Variants in GNB4 observed in about 807,000 individuals in gnomAD.
GNB4 encodes guanine nucleotide-binding protein subunit beta-4.
In GNB4, 28 loss-of-function variants were observed where a neutral mutation model predicts 45.2. The ratio of observed to expected loss-of-function variants is 0.62; its 90% CI spans 0.46 to 0.85. GNB4 has a LOEUF of 0.85. GNB4 is among the 40% of genes least tolerant of loss of function. The pLI is 0.00. For synonymous variants in GNB4, 132 were observed against 143.7 expected, an observed-to-expected ratio of 0.92 and a Z score of 0.58; for missense variants, 321 against 425.4, an observed-to-expected ratio of 0.75 and a Z score of 2.16.
At chr3:179,449,193 T>C (rs1433502166) in intron 1 of GNB4, among the ~76,000 whole-genome samples, 2 of 152,192 alleles carry the variant, frequency 1.3e-5, no homozygotes, top group Non-Finnish European at 2.9e-5. Flanking sequence ...TAACTCTATC[T>C]CTAGAGAACC....
the GNB4 span, among the ~76,000 whole-genome samples, chr3:179,520,396 A>G: frequency 2.0e-5 from 3 of 152,088 alleles, no homozygotes; most frequent in African/African-American, 7.2e-5. Context: ...CTTCCTAGGC[A>G]TGGTTAGTGC....
intron 1 of GNB4, among the ~76,000 whole-genome samples, chr3:179,427,047 C>G (rs951004941): frequency 2.6e-5 from 4 of 152,072 alleles, no homozygotes; most frequent in African/African-American, 9.7e-5. Context: ...TCAAAGACTT[C>G]TCTGATGTTC....
chr3:179,490,836 C>G, the GNB4 span, among the ~76,000 whole-genome samples: 26 of 152,128 alleles, frequency 1.7e-4, no homozygotes, highest in African/African-American at 6.3e-4. Context: ...ACAGACACAC[C>G]GAAAAATAAT....
the GNB4 span, among the ~76,000 whole-genome samples, chr3:179,482,566 GC>G: frequency 6.6e-6 from 1 of 151,980 alleles, no homozygotes. Flanking sequence ...ATAACTCCCT[GC>G]CCCCACTAAT....
chr3:179,401,031 G>A lies in GNB4; in HGVS notation c.*182C>T, dbSNP rs1055087621. On this transcript the variant is annotated 3_prime_UTR_variant, in exon 10 of 10. Transcript: ENST00000232564. ...ACTGGTCCTTTTGATCTCAGAAGGC[G>A]CCTTTGCCTTTTTTCCTCCACCCCC... 1.4e-5 allele frequency: 7 copies of A among 500,116 alleles called. No homozygotes were observed. The highest frequency in any genetic ancestry group is 2.2e-5 in the Non-Finnish European group (6 of 275,442). 31.0% of individuals were successfully genotyped at this position (500,116 alleles called of 1,614,324 possible).
At chr3:179,502,032 C>T in the GNB4 span, among the ~76,000 whole-genome samples, 2 of 151,908 alleles carry the variant, frequency 1.3e-5, no homozygotes, top group African/African-American at 2.4e-5. Flanking sequence ...CATTAGTATA[C>T]GTCATTGATA....
At chr3:179,467,480 C>T in the GNB4 span, among the ~76,000 whole-genome samples, 1 of 152,116 alleles carries the variant, frequency 6.6e-6, no homozygotes, top group South Asian at 2.1e-4. Flanking sequence ...CCAGGCACTA[C>T]ACTAGACTCT....
At chr3:179,475,385 C>T in the GNB4 span, among the ~76,000 whole-genome samples, 3 of 152,006 alleles carry the variant, frequency 2.0e-5, no homozygotes, top group Non-Finnish European at 2.9e-5. Flanking sequence ...TCCCAAAGTG[C>T]TGGGATTACA....
the GNB4 span, among the ~76,000 whole-genome samples, chr3:179,481,795 C>T: frequency 3.9e-5 from 6 of 152,270 alleles, no homozygotes; most frequent in Non-Finnish European, 5.9e-5. Context: ...ACAAAGTCGA[C>T]GTGATTCACT....
At position 179,425,271 on chromosome 3, in the gene GNB4, G is replaced by A. The variant is rs933481422; in HGVS notation, c.57+873C>T. ...CTGTCTCTTAGAGAGTGCTCCCCAC[G>A]CAGACGCCTCCTCTCAGAGCCTCCC... On this transcript the variant is annotated intron_variant, in intron 2 of 9. Coordinates refer to ENST00000232564, the MANE Select transcript of GNB4 (RefSeq NM_021629.4). Among the ~76,000 whole-genome samples the A allele has an allele frequency of 3.9e-5, 6 of 152,150 alleles. No individual in the cohort carries two copies. In the South Asian group the frequency reaches 6.2e-4, roughly 16 times the overall value.
chr3:179,419,569 A>G, intron 3 of GNB4, 64 bp from the exon 4 acceptor site: 1 of 972,688 alleles, frequency 1.0e-6, no homozygotes, highest in East Asian at 2.4e-5. Flanking sequence ...AACTTGAACT[A>G]GAAACAGTGA....
intron 8 of GNB4, among the ~76,000 whole-genome samples, chr3:179,412,532 C>A (rs977671895): frequency 6.6e-6 from 1 of 152,092 alleles, no homozygotes; most frequent in Non-Finnish European, 1.5e-5. Context: ...TACCTAGTTT[C>A]ATTTAGTCTC....
chr3:179,468,035 A>AAAAAAAAAAAAAAAAATATATATATATAT, the GNB4 span, among the ~76,000 whole-genome samples: 1 of 89,856 alleles, frequency 1.1e-5, no homozygotes, highest in African/African-American at 4.0e-5. Flanking sequence ...TGTTGATAAA[A>AAAAAAAAAAAAAAAAATATATATATATAT]ATATATATAT....
intron 1 of GNB4, among the ~76,000 whole-genome samples, chr3:179,430,069 GAGAGAC>G (rs1401354495): frequency 1.2e-4 from 11 of 93,848 alleles, no homozygotes; most frequent in South Asian, 4.8e-4. Flanking sequence ...GTGACTGAGA[GAGAGAC>G]AGACAGACAG....
the GNB4 span, chr3:179,465,153 C>T: frequency 7.8e-7 from 1 of 1,274,126 alleles, no homozygotes; most frequent in South Asian, 1.2e-5. Flanking sequence ...GAAGAAGCAG[C>T]AGTCACTGAT....
chr3:179,433,011 T>C (rs759336768), intron 1 of GNB4, among the ~76,000 whole-genome samples: 11 of 152,196 alleles, frequency 7.2e-5, no homozygotes, highest in Non-Finnish European at 1.3e-4. Flanking sequence ...CATCAATTAA[T>C]TCAGTGTTCC....
At chr3:179,524,483 G>C in the GNB4 span, among the ~76,000 whole-genome samples, 1 of 152,200 alleles carries the variant, frequency 6.6e-6, no homozygotes, top group Non-Finnish European at 1.5e-5. Context: ...ATGTGGCTGG[G>C]TTTTGTCTCA....
chr3:179,515,676 G>C, the GNB4 span, among the ~76,000 whole-genome samples: 1 of 152,074 alleles, frequency 6.6e-6, no homozygotes, highest in Non-Finnish European at 1.5e-5. Flanking sequence ...GATTAGCTTG[G>C]GCTCAGAGGC....
At position 179,413,521 on chromosome 3, in the gene GNB4, C is replaced by T. The variant is rs1714710641; in HGVS notation, c.590G>A (p.Arg197Lys). ...ATCACAAGCACCAGAAACAAAAGTC[C>T]TCATGTCAGGACTCAAAGAAAGACT... ...VMSLSLSPDMRTFVSGACDAS... is the reference protein window; with the variant it reads ...VMSLSLSPDMKTFVSGACDAS... The change falls in exon 8 of 10, where the codon AGG (arginine) becomes AAG (lysine). Residue 197 changes from arginine (R) to lysine (K), a missense_variant. Physicochemically the swap from Arg to Lys is conservative, Grantham distance 26. Coordinates refer to ENST00000232564, the MANE Select transcript of GNB4 (RefSeq NM_021629.4). 2 of 1,614,066 alleles carry T rather than the reference C, an allele frequency of 1.2e-6. No individual in the cohort carries two copies. The highest frequency in any genetic ancestry group is 1.7e-6 in the Non-Finnish European group (2 of 1,179,954).
Sources: allele counts gnomAD v4.1 joint callset (sites outside exome capture counted in the v4.1 genomes callset), GRCh38; gene constraint gnomAD v4.1.1; transcripts MANE v1.5; gene names NCBI Gene and HGNC (gene_info 2026-07-23, HGNC 2026-07-21).